The following CEP192 variants were observed in gnomAD, a reference collection of about 807,000 sequenced individuals.
CEP192 encodes the protein centrosomal protein 192.
In CEP192, 151 loss-of-function variants were observed where a neutral mutation model predicts 271.8. The ratio of observed to expected loss-of-function variants is 0.56; its 90% CI spans 0.49 to 0.64. The LOEUF (loss-of-function observed/expected upper bound fraction) is 0.64, where lower values mean the gene tolerates loss of function less well. Among genes scored for constraint, CEP192 ranks in the 30% least tolerant of loss-of-function variants. CEP192 has a pLI of 0.00. For synonymous variants in CEP192, 995 were observed against 1,076.5 expected, an observed-to-expected ratio of 0.92 and a Z score of 1.48; for missense variants, 2,910 against 3,020.5, an observed-to-expected ratio of 0.96 and a Z score of 0.86.
rs149216711 is a variant in CEP192, at chr18:13,008,498, G to C, written c.333G>C (p.Leu111Phe). The stretch of plus-strand genomic sequence containing the variant: ...AGAGCTATGTGGAAAGTCAACGTTT[G>C]TCAAATGCTCTCAGCAAACAGTCAG... ...RKKSYVESQR[L>F]SNALSKQSAL... The change falls in exon 4 of 45, where the codon TTG becomes TTC. Residue 111 changes from leucine to phenylalanine, a missense_variant. Transcript: ENST00000506447. The C allele has an allele frequency of 5.9e-3, 9,115 of 1,551,082 alleles. 233 individuals are homozygous for C. In the Admixed American group the frequency reaches 0.079, roughly 13 times the overall value.
intron 42 of CEP192, among the ~76,000 whole-genome samples, chr18:13,115,083 T>A (rs1348324245): frequency 1.3e-5 from 2 of 152,246 alleles, no homozygotes; most frequent in African/African-American, 4.8e-5. Context: ...TTTAGTCATT[T>A]ATTTTTTAAT....
intron 21 of CEP192, 81 bp downstream of exon 21, chr18:13,059,393 AAG>A: frequency 8.2e-7 from 1 of 1,217,994 alleles, no homozygotes; most frequent in Non-Finnish European, 1.2e-6. Flanking sequence ...ATTTGGGAAA[AAG>A]AAATTTGTGG....
rs755168114 is a variant in CEP192 at position 13,055,891 on chromosome 18, A to G, written c.3301A>G (p.Lys1101Glu). Residue 1101 changes from lysine to glutamate, a missense_variant, in exon 19 of 45, where the codon AAA (lysine) becomes GAA (glutamate). Physicochemically the swap from Lys to Glu is moderately conservative, Grantham distance 56 (BLOSUM62 1). Transcript: ENST00000506447. ...REKVPFQNRGKGTLSSIIQNN... is the reference protein window; with the variant it reads ...REKVPFQNRGEGTLSSIIQNN... ...AAAAGTTCCATTTCAGAATAGAGGA[A>G]AAGGAACATTATCATCTATTATCCA... 1 of 1,613,870 alleles carries G rather than the reference A, an allele frequency of 6.2e-7. No individual in the cohort carries two copies. Among genetic ancestry groups the G allele is most frequent in the African/African-American group, 1.3e-5 (1 of 74,934 alleles).
intron 37 of CEP192, among the ~76,000 whole-genome samples, chr18:13,099,797 C>T (rs1465078144): frequency 1.3e-5 from 2 of 152,136 alleles, no homozygotes; most frequent in African/African-American, 4.8e-5. Context: ...CAAATGTTTG[C>T]ATAGCATTTA....
intron 19 of CEP192, 22 bp downstream of exon 19, chr18:13,056,720 A>G (rs1220388390): frequency 2.0e-6 from 3 of 1,521,606 alleles, no homozygotes; most frequent in African/African-American, 1.4e-5. Flanking sequence ...TTTCTCTATT[A>G]TTATTACTTG....
intron 3 of CEP192, among the ~76,000 whole-genome samples, chr18:13,004,394 A>G (rs1166882452): frequency 6.6e-6 from 1 of 152,138 alleles, no homozygotes; most frequent in Non-Finnish European, 1.5e-5. Context: ...TAGAAAGGGA[A>G]GAGAATTGCT....
intron 2 of CEP192, among the ~76,000 whole-genome samples, chr18:13,000,867 C>T (rs191470589): frequency 6.6e-6 from 1 of 152,188 alleles, no homozygotes; most frequent in African/African-American, 2.4e-5. Context: ...ACAGGAGAAT[C>T]GCTTGAACCC....
chr18:13,032,610 T>C (rs1298213461), intron 11 of CEP192, among the ~76,000 whole-genome samples: 1 of 152,186 alleles, frequency 6.6e-6, no homozygotes, highest in African/African-American at 2.4e-5. Context: ...CTTTATGAAC[T>C]TCATACTTAA....
At chr18:13,058,072 A>G (rs1555723741) in intron 20 of CEP192, 1 of 158,682 alleles carries the variant, frequency 6.3e-6, no homozygotes, top group Non-Finnish European at 1.4e-5. Flanking sequence ...ATAAGTAACC[A>G]TGACTTGTAA....
At chr18:13,101,856 CA>C (rs1256360744) in intron 38 of CEP192, among the ~76,000 whole-genome samples, 1 of 152,170 alleles carries the variant, frequency 6.6e-6, no homozygotes, top group Admixed American at 6.5e-5. Flanking sequence ...CCAGCCCGCC[CA>C]TGCCCCTCTC....
chr18:13,037,380 T>G, intron 12 of CEP192, 79 bp downstream of exon 12: 1 of 631,992 alleles, frequency 1.6e-6, no homozygotes, highest in Non-Finnish European at 2.8e-6. Flanking sequence ...TTCATTTCTT[T>G]CTGAATATAT....
At position 13,042,199 on chromosome 18, in the gene CEP192, T is replaced by C; in HGVS notation, c.1937-5T>C. On this transcript the variant is annotated splice_polypyrimidine_tract_variant and splice_region_variant and intron_variant, in intron 14 of 44. Coordinates refer to ENST00000506447, the MANE Select transcript of CEP192 (RefSeq NM_032142.4). ...TATAAGTTGAATATTATATATTTCC[T>C]GCAGGAGATTTAAATGAACAGTCCC... 1 of 1,609,686 alleles carries C rather than the reference T, an allele frequency of 6.2e-7. No homozygotes were observed.
intron 40 of CEP192, among the ~76,000 whole-genome samples, chr18:13,109,542 AAAAAGG>A (rs1235867800): frequency 6.6e-6 from 1 of 152,190 alleles, no homozygotes; most frequent in Admixed American, 6.5e-5. Context: ...ATAAAAGTTG[AAAAAGG>A]AAAACGGAAC....
At chr18:13,114,022 TGCC>T (rs1397299867) in intron 41 of CEP192, 105 bp from the exon 42 acceptor site, 1 of 1,299,946 alleles carries the variant, frequency 7.7e-7, no homozygotes, top group African/African-American at 1.5e-5. Context: ...AATCTTAAAT[TGCC>T]TTTTAAAAAT....
At position 13,040,867 on chromosome 18, in the gene CEP192, G is replaced by C. The variant is rs1040830822; in HGVS notation, c.1847G>C (p.Arg616Thr). Residue 616 changes from arginine to threonine, a missense_variant, in exon 14 of 45, where the codon AGA (arginine) becomes ACA (threonine). By Grantham distance (71) the Arg-to-Thr change is moderately conservative (BLOSUM62 -1). Coordinates refer to ENST00000506447, the MANE Select transcript of CEP192 (RefSeq NM_032142.4). ...FGYFIRSPEK[R>T]EPIALIRKSD... ...TATTTTATTAGATCACCAGAGAAGAGAGAACCTATTGCCTTAATAAGAAAA... is the reference window on the plus strand; with the variant it reads ...TATTTTATTAGATCACCAGAGAAGACAGAACCTATTGCCTTAATAAGAAAA... 6.2e-7 allele frequency: 1 copy of C among 1,603,214 alleles called. No individual in the cohort carries two copies. Among genetic ancestry groups the C allele is most frequent in the Non-Finnish European group, 8.5e-7 (1 of 1,171,778 alleles).
chr18:13,102,284 G>C (rs1263163120), intron 38 of CEP192, among the ~76,000 whole-genome samples: 2 of 151,828 alleles, frequency 1.3e-5, no homozygotes, highest in Non-Finnish European at 2.9e-5. Flanking sequence ...TTCCATCACA[G>C]ATGAACCCTC....
intron 5 of CEP192, 41 bp downstream of exon 5, chr18:13,013,066 T>C (rs753980265): frequency 9.8e-5 from 97 of 990,590 alleles, no homozygotes; most frequent in Non-Finnish European, 1.4e-4. Context: ...TGGAGTACTA[T>C]AGGGCAGTAA....
rs188949725 is a variant in CEP192 at position 13,065,808 on chromosome 18, A to G, written c.4489-2023A>G. 4.6e-5 allele frequency among the ~76,000 whole-genome samples: 7 copies of G among 152,344 alleles called. No homozygotes were observed. In the East Asian group the frequency reaches 1.3e-3, roughly 29 times the overall value. ...AACATCCAAAACATGAGATTCTGCA[A>G]CAAACTGGGGGTACTACAGGGTTGG... On this transcript the variant is annotated intron_variant, in intron 21 of 44. Transcript: ENST00000506447.
chr18:12,997,787 C>T (rs1174329912), intron 1 of CEP192, among the ~76,000 whole-genome samples: 1 of 152,180 alleles, frequency 6.6e-6, no homozygotes, highest in Non-Finnish European at 1.5e-5. Flanking sequence ...TACAGGGGCG[C>T]AATCTCGGCT....
Sources: gnomAD v4.1 joint callset for allele counts (sites outside exome capture counted in the v4.1 genomes callset) on GRCh38, gnomAD v4.1.1 for gene constraint, MANE v1.5 for transcripts, NCBI Gene and HGNC (gene_info 2026-07-23, HGNC 2026-07-21) for gene names.